The following CTNNA2 variants were observed in gnomAD, a reference collection of about 807,000 sequenced individuals.
The protein encoded by CTNNA2 is catenin alpha 2, also known as catenin alpha-2.
A neutral mutation model predicts 101.0 loss-of-function variants in CTNNA2; 42 were observed. The ratio of observed to expected loss-of-function variants is 0.42; its 90% CI spans 0.32 to 0.54. The LOEUF (loss-of-function observed/expected upper bound fraction) is 0.54. CTNNA2 is among the 20% of genes least tolerant of loss of function. The pLI is 0.14. For synonymous variants in CTNNA2, 450 were observed against 456.4 expected (o/e 0.99, Z 0.18); for missense variants, 871 against 1,223.1 (o/e 0.71, Z 4.29).
At chr2:79,302,828 T>C (rs897282842) in intron 2 of CTNNA2, among the ~76,000 whole-genome samples, 2 of 152,244 alleles carry the variant, frequency 1.3e-5, no homozygotes, top group Non-Finnish European at 2.9e-5. Context: ...TTTGTTGAAC[T>C]CTAATTACAT....
At chr2:79,658,681 CT>C (rs34602367) in intron 2 of CTNNA2, among the ~76,000 whole-genome samples, 84,961 of 151,134 alleles carry the variant, frequency 0.56, 24,322 homozygotes, top group East Asian at 0.76. Context: ...AAATTTTGTT[CT>C]TTTTTTTTAA....
intron 2 of CTNNA2, among the ~76,000 whole-genome samples, chr2:79,653,330 C>T (rs879887912): frequency 1.7e-4 from 26 of 152,144 alleles, no homozygotes; most frequent in Admixed American, 3.3e-4. Flanking sequence ...GCATTTCATC[C>T]CTTTTCTGCC....
intron 9 of CTNNA2, among the ~76,000 whole-genome samples, chr2:80,448,970 C>T (rs1683279134): frequency 1.3e-5 from 2 of 152,108 alleles, no homozygotes; most frequent in South Asian, 4.1e-4. Flanking sequence ...TGGTTAGCTA[C>T]CTGTAGAGCT....
At chr2:79,276,106 C>T (rs1053612450) in intron 2 of CTNNA2, among the ~76,000 whole-genome samples, 4 of 151,810 alleles carry the variant, frequency 2.6e-5, no homozygotes, top group African/African-American at 4.8e-5. Context: ...TAAACTGAGG[C>T]GCAAATATGC....
intron 7 of CTNNA2, among the ~76,000 whole-genome samples, chr2:79,914,836 A>C (rs902051493): frequency 6.6e-6 from 1 of 151,994 alleles, no homozygotes; most frequent in African/African-American, 2.4e-5. Context: ...ACAATTTATA[A>C]ACCATTAATA....
At chr2:79,651,512 AAAGATGATTATTTCT>A in intron 1 of CTNNA2, 25 bp from the exon 2 acceptor site, 1 of 1,558,234 alleles carries the variant, frequency 6.4e-7, no homozygotes, top group South Asian at 1.1e-5. Context: ...AATTTATTTC[AAAGATGATTATTTCT>A]AACTGATTAC....
intron 1 of CTNNA2, among the ~76,000 whole-genome samples, chr2:79,614,482 T>G (rs1180254279): frequency 6.6e-6 from 1 of 152,060 alleles, no homozygotes; most frequent in African/African-American, 2.4e-5. Context: ...AATACTCAAT[T>G]TGGGGCCATC....
intron 6 of CTNNA2, among the ~76,000 whole-genome samples, chr2:79,874,804 G>A (rs180963690): frequency 5.9e-5 from 9 of 152,252 alleles, no homozygotes; most frequent in Admixed American, 5.9e-4. Context: ...GCAAAACTCC[G>A]TCTCGGGGAA....
At chr2:79,591,909 T>A (rs56115540) in intron 1 of CTNNA2, among the ~76,000 whole-genome samples, 34 of 10,012 alleles carry the variant, frequency 3.4e-3, no homozygotes, top group South Asian at 7.6e-3. Context: ...GAAAAAAAAA[T>A]TTTTTTTTTT....
chr2:79,534,650 TTATTCTAGTACTGATAG>T (rs1314993367), intron 1 of CTNNA2, among the ~76,000 whole-genome samples: 1 of 152,102 alleles, frequency 6.6e-6, no homozygotes, highest in Non-Finnish European at 1.5e-5. Flanking sequence ...ACAGATATAT[TTATTCTAGTACTGATAG>T]TATATTTTCT....
chr2:80,209,803 A>C (rs1707773181), intron 7 of CTNNA2, among the ~76,000 whole-genome samples: 1 of 152,236 alleles, frequency 6.6e-6, no homozygotes, highest in Admixed American at 6.5e-5. Flanking sequence ...GTAAGGCTAT[A>C]CATGATTAAG....
chr2:79,906,434 T>C lies in CTNNA2; in HGVS notation c.853-3160T>C, dbSNP rs558566500. Among the ~76,000 whole-genome samples, 596 of 152,322 alleles carry C rather than the reference T, an allele frequency of 3.9e-3. 2 individuals are homozygous for C. Among genetic ancestry groups the C allele is most frequent in the Non-Finnish European group, 5.8e-3 (397 of 68,032 alleles). ...TTTTGTCTCCCGAGCGGCTTCTCCC[T>C]GCTGCTTTTCACATCCATCATTGCA... is the stretch of plus-strand genomic sequence containing the variant. On this transcript the variant is annotated intron_variant, in intron 6 of 18. Transcript: ENST00000402739.
At chr2:79,897,258 A>T (rs1190976995) in intron 6 of CTNNA2, among the ~76,000 whole-genome samples, 1 of 151,788 alleles carries the variant, frequency 6.6e-6, no homozygotes, top group Non-Finnish European at 1.5e-5. Context: ...GGAGCCGTTG[A>T]AGGTTTGAGG....
chr2:80,485,000 C>T (rs919344102), intron 9 of CTNNA2, among the ~76,000 whole-genome samples: 6 of 151,820 alleles, frequency 4.0e-5, no homozygotes, highest in African/African-American at 9.7e-5. Flanking sequence ...AGCGAGACTC[C>T]GTCTTAAATA....
chr2:80,535,913 G>A (rs1690970740), intron 9 of CTNNA2, among the ~76,000 whole-genome samples: 1 of 152,126 alleles, frequency 6.6e-6, no homozygotes, highest in South Asian at 2.1e-4. Context: ...ATTCTTCTGG[G>A]CAGCCAGACT....
intron 4 of CTNNA2, among the ~76,000 whole-genome samples, chr2:79,407,079 A>T (rs1275730033): frequency 6.6e-6 from 1 of 152,018 alleles, no homozygotes; most frequent in Non-Finnish European, 1.5e-5. Flanking sequence ...GGACTCATTT[A>T]TTTATTCCGT....
chr2:80,130,936 T>C (rs1465667959), intron 7 of CTNNA2, among the ~76,000 whole-genome samples: 7 of 151,072 alleles, frequency 4.6e-5, no homozygotes, highest in African/African-American at 7.3e-5. Flanking sequence ...ATACTGAATC[T>C]ATATATGAGA....
intron 6 of CTNNA2, among the ~76,000 whole-genome samples, chr2:79,895,962 C>T (rs1317117680): frequency 6.6e-6 from 1 of 152,086 alleles, no homozygotes; most frequent in Non-Finnish European, 1.5e-5. Context: ...CAGGAGGTGG[C>T]TGTCTCAGCT....
At chr2:79,719,355 A>T (rs1046021415) in intron 2 of CTNNA2, among the ~76,000 whole-genome samples, 1 of 152,170 alleles carries the variant, frequency 6.6e-6, no homozygotes, top group African/African-American at 2.4e-5. Flanking sequence ...GCTGTTGTGA[A>T]CAGTGCAGTG....
Sources: allele counts gnomAD v4.1 joint callset (sites outside exome capture counted in the v4.1 genomes callset), GRCh38; gene constraint gnomAD v4.1.1; transcripts MANE v1.5; gene names NCBI Gene and HGNC (gene_info 2026-07-23, HGNC 2026-07-21).